Variants in SLC22A23 observed in about 807,000 individuals in gnomAD.
The protein encoded by SLC22A23 is solute carrier family 22 member 23, also known as ion transporter protein.
In SLC22A23, 26 loss-of-function variants were observed where a neutral mutation model predicts 61.0. The ratio of observed to expected loss-of-function variants is 0.43; its 90% confidence interval spans 0.31 to 0.59. The LOEUF is 0.59. SLC22A23 is among the 20% of genes least tolerant of loss of function. SLC22A23 has a pLI of 0.11. For missense variants in SLC22A23, 796 were observed against 934.7 expected (o/e 0.85, Z 1.94); for synonymous variants, 430 against 413.9 (o/e 1.04, Z -0.47).
intron 1 of SLC22A23, among the ~76,000 whole-genome samples, chr6:3,432,877 G>A (rs1353338755): frequency 1.3e-5 from 2 of 152,204 alleles, no homozygotes; most frequent in East Asian, 1.9e-4. Flanking sequence ...TCCCTGTTGG[G>A]AGATACTTCC....
At chr6:3,301,237 G>C (rs147371768) in intron 4 of SLC22A23, among the ~76,000 whole-genome samples, 3 of 152,098 alleles carry the variant, frequency 2.0e-5, no homozygotes, top group Non-Finnish European at 2.9e-5. Context: ...TTTGGGTTTA[G>C]TATCTTTTTC....
chr6:3,326,872 T>C (rs979583757), intron 3 of SLC22A23, among the ~76,000 whole-genome samples: 2 of 152,336 alleles, frequency 1.3e-5, no homozygotes, highest in African/African-American at 4.8e-5. Flanking sequence ...TTGCCATTAA[T>C]CACAAGTTTC....
At chr6:3,389,883 T>C (rs550769057) in intron 3 of SLC22A23, among the ~76,000 whole-genome samples, 20 of 152,372 alleles carry the variant, frequency 1.3e-4, no homozygotes, top group African/African-American at 4.8e-4. Flanking sequence ...AGAACGGCCT[T>C]GCTGGAACCG....
In SLC22A23 at chr6:3,269,198, A is replaced by G. The variant is rs1272976780; in HGVS notation, c.*3857T>C. On this transcript the variant is annotated 3_prime_UTR_variant, in exon 10 of 10. Coordinates refer to ENST00000406686, the MANE Select transcript of SLC22A23 (RefSeq NM_015482.2). The stretch of plus-strand genomic sequence containing the variant: ...TGGCCCCCGTCTCTCAGGTGGTCTG[A>G]GAGTGGCACTTGGTAAACAGTGTGT... 1 of 152,212 alleles carries G rather than the reference A, an allele frequency of 6.6e-6. No individual in the cohort carries two copies. The highest frequency in any genetic ancestry group is 2.4e-5 in the African/African-American group (1 of 41,400). 9.4% of individuals were successfully genotyped at this position (152,212 alleles called of 1,614,324 possible).
intron 3 of SLC22A23, among the ~76,000 whole-genome samples, chr6:3,394,082 A>G (rs1327428602): frequency 6.6e-6 from 1 of 152,224 alleles, no homozygotes; most frequent in African/African-American, 2.4e-5. Flanking sequence ...CAGTGACCCC[A>G]CTAAAGACAC....
rs115294928 is a variant in SLC22A23, at chr6:3,329,886, G to T, written c.914-5884C>A. ...TCACTGGCAGAGGGAGGTGAGACGG[G>T]CTCAGGAAAGGACAGCGTCTGCCCA... On this transcript the variant is annotated intron_variant, in intron 3 of 9. Coordinates refer to ENST00000406686, the MANE Select transcript of SLC22A23 (RefSeq NM_015482.2). The surrounding 1 kb of genome is among the most constrained non-coding windows in gnomAD (Gnocchi z 4.8). 0.015 allele frequency among the ~76,000 whole-genome samples: 2,293 copies of T among 152,308 alleles called. 40 individuals are homozygous for T. Among genetic ancestry groups the T allele is most frequent in the African/African-American group, 0.044 (1,816 of 41,568 alleles).
chr6:3,400,783 A>C (rs953221759), intron 3 of SLC22A23, among the ~76,000 whole-genome samples: 1 of 152,256 alleles, frequency 6.6e-6, no homozygotes, highest in Non-Finnish European at 1.5e-5. Flanking sequence ...GCAAGTCTTC[A>C]CACACTGCCT....
chr6:3,361,654 A>G (rs1182927649), intron 3 of SLC22A23, among the ~76,000 whole-genome samples: 1 of 152,232 alleles, frequency 6.6e-6, no homozygotes, highest in Non-Finnish European at 1.5e-5. Context: ...TCTCAGTTGA[A>G]TTCAGACTCG....
intron 1 of SLC22A23, among the ~76,000 whole-genome samples, chr6:3,440,436 G>A (rs551301790): frequency 1.1e-4 from 17 of 152,148 alleles, no homozygotes; most frequent in African/African-American, 3.4e-4. Flanking sequence ...GGCCGGGTGC[G>A]GTGGCTCATG....
At chr6:3,352,591 C>T (rs1205989508) in intron 3 of SLC22A23, among the ~76,000 whole-genome samples, 1 of 152,178 alleles carries the variant, frequency 6.6e-6, no homozygotes, top group Non-Finnish European at 1.5e-5. Flanking sequence ...TGATCTCTGC[C>T]ATTCTTGTTT....
chr6:3,388,605 A>G (rs1561944585), intron 3 of SLC22A23, among the ~76,000 whole-genome samples: 1 of 152,230 alleles, frequency 6.6e-6, no homozygotes, highest in Non-Finnish European at 1.5e-5. Context: ...TGTACAACCA[A>G]GTTCATAGCA....
At position 3,286,802 on chromosome 6, in the gene SLC22A23, C is replaced by A; in HGVS notation, c.1546+57G>T. On this transcript the variant is annotated intron_variant, in intron 7 of 9. Coordinates refer to ENST00000406686, the MANE Select transcript of SLC22A23 (RefSeq NM_015482.2). The surrounding 1 kb of genome is among the most constrained non-coding windows in gnomAD (Gnocchi z 4.2). The stretch of plus-strand genomic sequence containing the variant: ...GTCTTATGCAGCCCTTTCAAATGCC[C>A]TTGGGGATCTGCCAGCTTCCCTCCC... The A allele has an allele frequency of 6.9e-7, 1 of 1,444,574 alleles. No individual in the cohort carries two copies. Among genetic ancestry groups the A allele is most frequent in the East Asian group, 2.5e-5 (1 of 40,564 alleles). 89.5% of individuals were successfully genotyped at this position (1,444,574 alleles called of 1,614,324 possible).
rs570937256 is a variant in SLC22A23 at position 3,296,662 on chromosome 6, C to T, written c.1210+1429G>A. ...CCCTTCATGTCAACCAGACCTGGCT[C>T]ATGTCCTTCTTCTGTCCAGCGAAGC... On this transcript the variant is annotated intron_variant, in intron 5 of 9. Transcript: ENST00000406686. Among the ~76,000 whole-genome samples the T allele has an allele frequency of 5.9e-5, 9 of 152,322 alleles. No homozygotes were observed. The South Asian group carries it at 1.9e-3, about 32-fold the overall frequency.
Position 3,304,751 on chromosome 6 carries a change from TC to T in SLC22A23, c.1083-6534del, listed in dbSNP as rs1189783011. On this transcript the variant is annotated intron_variant, in intron 4 of 9. Coordinates refer to ENST00000406686, the MANE Select transcript of SLC22A23 (RefSeq NM_015482.2). This position sits in a 1 kb window ranked among gnomAD's most constrained non-coding sequence, Gnocchi z 4.3. ...GAGCAGCTGCAGGGCAGGCCCTGTA[TC>T]CCCTCGTACTGCTGGAGGTGTGTGG... 6.6e-6 allele frequency among the ~76,000 whole-genome samples: 1 copy of T among 151,994 alleles called. No individual in the cohort carries two copies. The highest frequency in any genetic ancestry group is 6.6e-5 in the Admixed American group (1 of 15,256).
chr6:3,381,692 A>G (rs1766963626), intron 3 of SLC22A23, among the ~76,000 whole-genome samples: 1 of 152,136 alleles, frequency 6.6e-6, no homozygotes, highest in African/African-American at 2.4e-5. Context: ...ACAGTAGTGG[A>G]ATTTATTTCT....
At chr6:3,371,293 A>G (rs1766202947) in intron 3 of SLC22A23, among the ~76,000 whole-genome samples, 1 of 152,264 alleles carries the variant, frequency 6.6e-6, no homozygotes, top group African/African-American at 2.4e-5. Flanking sequence ...GCCACATGGC[A>G]TCTGCTGCTA....
At chr6:3,294,300 A>T (rs1760882893) in intron 5 of SLC22A23, among the ~76,000 whole-genome samples, 1 of 152,300 alleles carries the variant, frequency 6.6e-6, no homozygotes, top group African/African-American at 2.4e-5. Flanking sequence ...ACATTGAGTT[A>T]CATTACTACC....
intron 4 of SLC22A23, among the ~76,000 whole-genome samples, chr6:3,307,952 C>T (rs750760551): frequency 2.0e-5 from 3 of 152,110 alleles, no homozygotes; most frequent in Non-Finnish European, 2.9e-5. Flanking sequence ...TAGAGGACAC[C>T]GTACTCTGTG....
chr6:3,420,517 T>TTGAAG (rs1770051559), intron 1 of SLC22A23, among the ~76,000 whole-genome samples: 1 of 152,140 alleles, frequency 6.6e-6, no homozygotes, highest in South Asian at 2.1e-4. Flanking sequence ...TTCTTTAATT[T>TTGAAG]TGAAGTGAAG....
Sources: allele counts gnomAD v4.1 joint callset (sites outside exome capture counted in the v4.1 genomes callset), GRCh38; gene constraint gnomAD v4.1.1; non-coding constraint Gnocchi (gnomAD v3.1); transcripts MANE v1.5; gene names NCBI Gene and HGNC (gene_info 2026-07-23, HGNC 2026-07-21).